The following DGCR2 variants were observed in gnomAD, a reference collection of about 807,000 sequenced individuals.
DGCR2 encodes DiGeorge syndrome critical region gene 2.
DGCR2 carries 24 observed loss-of-function variants against 51.6 expected under a neutral mutation model. That is an observed-to-expected ratio of 0.47 (90% CI 0.34 to 0.65). DGCR2 has a LOEUF of 0.65. Ranked by LOEUF, DGCR2 falls within the 30% of genes least tolerant of loss-of-function variation. The pLI, the probability that DGCR2 is intolerant of heterozygous loss-of-function variation, is 0.01. For missense variants in DGCR2, 765 were observed against 772.1 expected (o/e 0.99, Z 0.11); for synonymous variants, 340 against 315.4 (o/e 1.08, Z -0.82).
At chr22:19,082,610 C>T (rs1168303920) in intron 2 of DGCR2, among the ~76,000 whole-genome samples, 1 of 151,784 alleles carries the variant, frequency 6.6e-6, no homozygotes, top group Non-Finnish European at 1.5e-5. Context: ...ATTAGACGAG[C>T]GTGGTGGCAG....
intron 6 of DGCR2, among the ~76,000 whole-genome samples, chr22:19,051,347 A>C (rs1458675702): frequency 6.6e-6 from 1 of 152,198 alleles, no homozygotes; most frequent in Non-Finnish European, 1.5e-5. Flanking sequence ...GAAGAGGATG[A>C]AGGCAAGCTA....
At position 19,041,829 on chromosome 22, in the gene DGCR2, G is replaced by A. The variant is rs762973901; in HGVS notation, c.1137C>T (p.Ile379=). The A allele has an allele frequency of 4.2e-5, 67 of 1,612,514 alleles. No individual in the cohort carries two copies. Among genetic ancestry groups the A allele is most frequent in the East Asian group, 1.3e-4 (6 of 44,880 alleles). Residue 379 remains isoleucine (I), a synonymous_variant, in exon 8 of 10, where the codon ATC becomes ATT. Coordinates refer to ENST00000263196, the MANE Select transcript of DGCR2 (RefSeq NM_005137.3). The part of the protein sequence containing the change: ...HRLRQRRRER[I]ESLIGANLHH... ...TACAGTTTGCTCCAATCAGGGACTC[G>A]ATGCGCTCCCGGCGCCGCTGGCGCA...
chr22:19,074,152 AC>A (rs1310284801), intron 2 of DGCR2, among the ~76,000 whole-genome samples: 2 of 152,180 alleles, frequency 1.3e-5, no homozygotes, highest in African/African-American at 4.8e-5. Flanking sequence ...ATGGCTCGGC[AC>A]GGTGGCTCAC....
rs8399 is a variant in DGCR2 at position 19,037,817 on chromosome 22, A to C, written c.*1048T>G. ...GCCCCCAGCCCCTGCGCTGCTGAGG[A>C]GGGGCCGGGAGGTGTGCATGCGGCC... On this transcript the variant is annotated 3_prime_UTR_variant, in exon 10 of 10. Transcript: ENST00000263196. 21,728 of 152,624 alleles carry C rather than the reference A, an allele frequency of 0.14. 2,001 individuals are homozygous for C. Among genetic ancestry groups the C allele is most frequent in the South Asian group, 0.29 (1,382 of 4,824 alleles). 9.5% of individuals were successfully genotyped at this position (152,624 alleles called of 1,614,324 possible). A position where few individuals can be genotyped will look rare whatever the true frequency, so the allele number is the denominator to read the frequency against.
chr22:19,059,645 G>A (rs879462057), intron 5 of DGCR2, among the ~76,000 whole-genome samples: 2 of 151,890 alleles, frequency 1.3e-5, no homozygotes, highest in African/African-American at 2.4e-5. Flanking sequence ...TCCTCACCTC[G>A]ACAGGGTGGC....
rs374960247 is a variant in DGCR2 at position 19,107,006 on chromosome 22, CT to C, written c.79+15121del. Among the ~76,000 whole-genome samples, 277 of 152,202 alleles carry C rather than the reference CT, an allele frequency of 1.8e-3. 1 individual carries two copies. The highest frequency in any genetic ancestry group is 1.9e-3 in the Non-Finnish European group (132 of 68,016). On this transcript the variant is annotated intron_variant, in intron 1 of 9. Coordinates refer to ENST00000263196, the MANE Select transcript of DGCR2 (RefSeq NM_005137.3). ...GCCAAGGATGTACCAACATATTGTACTTTTTTTCCCTACCAGTGGCCAGTTA... is the reference window on the plus strand; with the variant it reads ...GCCAAGGATGTACCAACATATTGTACTTTTTTCCCTACCAGTGGCCAGTTA...
intron 2 of DGCR2, among the ~76,000 whole-genome samples, chr22:19,085,614 G>A (rs1230963796): frequency 6.6e-6 from 1 of 152,266 alleles, no homozygotes; most frequent in Non-Finnish European, 1.5e-5. Context: ...CCAGAAGGGA[G>A]TGAGTGGGAA....
At chr22:19,062,774 T>TTCTCTCTCTCTCTCTCTCTCTCTCTC (rs1569052709) in intron 5 of DGCR2, among the ~76,000 whole-genome samples, 8 of 113,872 alleles carry the variant, frequency 7.0e-5, no homozygotes, top group Admixed American at 4.5e-4. Flanking sequence ...CACACATGCA[T>TTCTCTCTCTCTCTCTCTCTCTCTCTC]GCTCACTCTC....
intron 5 of DGCR2, among the ~76,000 whole-genome samples, chr22:19,062,197 A>G (rs2145961961): frequency 6.6e-6 from 1 of 152,346 alleles, no homozygotes; most frequent in South Asian, 2.1e-4. Flanking sequence ...GGGAATGCAA[A>G]TGTGGCTGGG....
chr22:19,079,475 T>C (rs1168398475), intron 2 of DGCR2, among the ~76,000 whole-genome samples: 1 of 152,196 alleles, frequency 6.6e-6, no homozygotes, highest in African/African-American at 2.4e-5. Context: ...CCTAGTTGCT[T>C]ATTAATGTTT....
chr22:19,078,076 G>A (rs572674840), intron 2 of DGCR2, among the ~76,000 whole-genome samples: 118 of 152,228 alleles, frequency 7.8e-4, no homozygotes, highest in African/African-American at 2.6e-3. Flanking sequence ...TGATCCACCC[G>A]CCTTGGCCTC....
chr22:19,114,539 C>CA (rs1402262182), intron 1 of DGCR2, among the ~76,000 whole-genome samples: 3 of 152,230 alleles, frequency 2.0e-5, no homozygotes, highest in African/African-American at 7.2e-5. Context: ...AGACCATAGA[C>CA]AGAGTTCTGT....
chr22:19,094,616 C>T (rs2083118035), intron 1 of DGCR2, among the ~76,000 whole-genome samples: 1 of 152,180 alleles, frequency 6.6e-6, no homozygotes, highest in Non-Finnish European at 1.5e-5. Context: ...TGTATACCTA[C>T]CATATAATCT....
At chr22:19,091,350 ACT>A (rs748988693) in intron 1 of DGCR2, among the ~76,000 whole-genome samples, 2 of 152,022 alleles carry the variant, frequency 1.3e-5, no homozygotes, top group Non-Finnish European at 2.9e-5. Flanking sequence ...CAGGAGTGAG[ACT>A]CTGTCTCAAA....
At chr22:19,080,480 C>T (rs2082923834) in intron 2 of DGCR2, among the ~76,000 whole-genome samples, 1 of 152,172 alleles carries the variant, frequency 6.6e-6, no homozygotes, top group Non-Finnish European at 1.5e-5. Flanking sequence ...ACACCTGCTG[C>T]ACATCTTCCT....
intron 2 of DGCR2, among the ~76,000 whole-genome samples, chr22:19,073,946 C>T (rs1244615081): frequency 6.6e-6 from 1 of 152,134 alleles, no homozygotes; most frequent in Non-Finnish European, 1.5e-5. Flanking sequence ...GAAGCTGGCC[C>T]AGCAGCACTG....
At chr22:19,056,247 G>A (rs1200156965) in intron 6 of DGCR2, 5 of 162,820 alleles carry the variant, frequency 3.1e-5, no homozygotes, top group East Asian at 3.4e-4. Context: ...CCTGGGAGGC[G>A]GAGCTTGCAG....
intron 2 of DGCR2, among the ~76,000 whole-genome samples, chr22:19,082,233 T>TTTTC (rs2082947708): frequency 6.9e-6 from 1 of 145,518 alleles, no homozygotes; most frequent in Non-Finnish European, 1.5e-5. Flanking sequence ...TTTTTTTTTT[T>TTTTC]TTTTTTTTTT....
At chr22:19,069,406 TAAC>T (rs537356614) in intron 2 of DGCR2, among the ~76,000 whole-genome samples, 146 of 152,332 alleles carry the variant, frequency 9.6e-4, no homozygotes, top group African/African-American at 3.4e-3. Flanking sequence ...CATGATAAAG[TAAC>T]AAACATTCAA....
Sources: allele counts gnomAD v4.1 joint callset (sites outside exome capture counted in the v4.1 genomes callset), GRCh38; gene constraint gnomAD v4.1.1; transcripts MANE v1.5; gene names NCBI Gene and HGNC (gene_info 2026-07-23, HGNC 2026-07-21).